KCNQ2: variants seen among roughly 807,000 people sequenced by gnomAD.
The protein encoded by KCNQ2 is potassium voltage-gated channel subfamily Q member 2.
Under a neutral mutation model 84.8 loss-of-function variants are expected in KCNQ2, and 14 were observed. The ratio of observed to expected loss-of-function variants is 0.17; its 90% CI spans 0.11 to 0.26. The LOEUF is 0.26. KCNQ2 is among the 10% of genes least tolerant of loss of function. The pLI, the probability that KCNQ2 is intolerant of heterozygous loss-of-function variation, is 1.00. For synonymous variants in KCNQ2, 599 were observed against 554.1 expected (o/e 1.08, Z -1.14); for missense variants, 788 against 1,254.0 (o/e 0.63, Z 5.61).
In KCNQ2 at chr20:63,438,605, CG is replaced by C. The variant is rs753353430; in HGVS notation, c.1023+19del. 1 of 1,607,750 alleles carries C rather than the reference CG, an allele frequency of 6.2e-7. No homozygotes were observed. The highest frequency in any genetic ancestry group is 8.5e-7 in the Non-Finnish European group (1 of 1,174,916). On this transcript the variant is annotated intron_variant, in intron 7 of 16. Transcript: ENST00000359125. This position sits in a 1 kb window ranked among gnomAD's most constrained non-coding sequence, Gnocchi z 5.1. ...CCAGGACAAGGGCTGTGCTGGTCCC[CG>C]GGGGACACCTGGACTCACCTGGATC...
chr20:63,430,351 T>A (rs527869116), intron 9 of KCNQ2, among the ~76,000 whole-genome samples: 1 of 152,214 alleles, frequency 6.6e-6, no homozygotes, highest in South Asian at 2.1e-4. Flanking sequence ...TGGCTGAGCA[T>A]GTCGGGGGCA....
chr20:63,438,975 G>A lies in KCNQ2; in HGVS notation c.928-255C>T, dbSNP rs991164549. Among the ~76,000 whole-genome samples, 1 of 152,120 alleles carries A rather than the reference G, an allele frequency of 6.6e-6. No homozygotes were observed. Among genetic ancestry groups the A allele is most frequent in the Non-Finnish European group, 1.5e-5 (1 of 68,028 alleles). ...CCTTCATCAAGGTCAGACTAATCCAGGAACCCATATCCCCACAATTTGTCA... is the reference window on the plus strand; with the variant it reads ...CCTTCATCAAGGTCAGACTAATCCAAGAACCCATATCCCCACAATTTGTCA... On this transcript the variant is annotated intron_variant, in intron 6 of 16. Transcript: ENST00000359125. This position sits in a 1 kb window ranked among gnomAD's most constrained non-coding sequence, Gnocchi z 5.1.
At chr20:63,415,193 G>A (rs2080252050) in intron 12 of KCNQ2, 67 bp from the exon 13 acceptor site, 2 of 1,411,798 alleles carry the variant, frequency 1.4e-6, no homozygotes, top group South Asian at 2.4e-5. Flanking sequence ...AAAGAACACA[G>A]GCCGTGTCTG....
At chr20:63,439,346 A>C (rs2081091481) in intron 6 of KCNQ2, among the ~76,000 whole-genome samples, 1 of 152,210 alleles carries the variant, frequency 6.6e-6, no homozygotes, top group Admixed American at 6.5e-5. Context: ...AGTGACTAAC[A>C]GAGCCCCCTG....
chr20:63,431,973 C>CCACCCTCAGGGAAGGAT (rs2080805937), intron 8 of KCNQ2, among the ~76,000 whole-genome samples: 1 of 72,292 alleles, frequency 1.4e-5, no homozygotes, highest in East Asian at 6.9e-4. Flanking sequence ...CAGGGAAGGC[C>CCACCCTCAGGGAAGGAT]CCACCCGCAG....
intron 1 of KCNQ2, among the ~76,000 whole-genome samples, chr20:63,454,493 T>C (rs1280049132): frequency 3.3e-5 from 5 of 152,126 alleles, no homozygotes; most frequent in Admixed American, 2.0e-4. Context: ...TCCCGGTGCC[T>C]CGGCCGTGGC....
In KCNQ2 at chr20:63,444,481, G is replaced by A. The variant is rs535744334; in HGVS notation, c.690+178C>T. Among the ~76,000 whole-genome samples the A allele has an allele frequency of 6.4e-4, 98 of 152,304 alleles. 2 individuals carry two copies. Among genetic ancestry groups the A allele is most frequent in the African/African-American group, 2.2e-3 (90 of 41,562 alleles). On this transcript the variant is annotated intron_variant, in intron 4 of 16. Coordinates refer to ENST00000359125, the MANE Select transcript of KCNQ2 (RefSeq NM_172107.4). ...GGCCCAAGTCACGAGAAGAAGCACC[G>A]AGAAGAAAGGGGAGGGAGGCTCGTT...
chr20:63,445,820 G>A (rs1246705547), intron 2 of KCNQ2, among the ~76,000 whole-genome samples: 3 of 144,224 alleles, frequency 2.1e-5, no homozygotes, highest in Admixed American at 6.9e-5. Flanking sequence ...TGAGCTGGGG[G>A]ACCCTGTCTG....
intron 1 of KCNQ2, among the ~76,000 whole-genome samples, chr20:63,457,923 C>G (rs549694819): frequency 6.6e-6 from 1 of 152,216 alleles, no homozygotes; most frequent in South Asian, 2.1e-4. Flanking sequence ...GACTTCGCAG[C>G]GCCTGCTCAC....
At position 63,408,524 on chromosome 20, in the gene KCNQ2, G is replaced by A. The variant is rs201868078; in HGVS notation, c.1776C>T (p.Ile592=). Residue 592 remains isoleucine (I), a synonymous_variant, in exon 16 of 17, where the codon ATC becomes ATT. Transcript: ENST00000359125. The surrounding 1 kb of genome is among the most constrained non-coding windows in gnomAD (Gnocchi z 5.0). ...IKSLQSRVDQ[I]VGRGPAITDK... ...CCGTGATCGCTGGGCCCCGCCCCAC[G>A]ATCTGGTCCACTCTACCGGGAACAG... The A allele has an allele frequency of 8.1e-6, 13 of 1,610,666 alleles. No homozygotes were observed. Among genetic ancestry groups the A allele is most frequent in the South Asian group, 3.3e-5 (3 of 90,700 alleles).
intron 15 of KCNQ2, among the ~76,000 whole-genome samples, chr20:63,410,774 TCCCCACCAGCTCAGG>T (rs2080098348): frequency 6.6e-6 from 1 of 151,984 alleles, no homozygotes; most frequent in South Asian, 2.1e-4. Context: ...CCAGACGCCG[TCCCCACCAGCTCAGG>T]CCTGGGCTTC....
chr20:63,440,961 T>TTTTGTTTG (rs891369222), intron 5 of KCNQ2, among the ~76,000 whole-genome samples: 2 of 149,822 alleles, frequency 1.3e-5, no homozygotes, highest in Non-Finnish European at 3.0e-5. Flanking sequence ...AGGCGTGGTT[T>TTTTGTTTG]TTTGTTTGTT....
rs553395084 is a variant in KCNQ2 at position 63,432,579 on chromosome 20, G to A, written c.1119-1210C>T. ...CCTCAGGGAAGGCTCCACCCTCAGG[G>A]AAGGATCCACCCACAGGGAAGGCTC... is the stretch of plus-strand genomic sequence containing the variant. On this transcript the variant is annotated intron_variant, in intron 8 of 16. Transcript: ENST00000359125. 1.8e-3 allele frequency among the ~76,000 whole-genome samples: 252 copies of A among 137,632 alleles called. 1 individual carries two copies. The highest frequency in any genetic ancestry group is 3.3e-3 in the Non-Finnish European group (215 of 64,566). The allele number at this position is 137,632 out of a possible 152,430, so 90.3% of individuals were successfully genotyped here. A position where few individuals can be genotyped will look rare whatever the true frequency, so the allele number is the denominator to read the frequency against.
intron 11 of KCNQ2, chr20:63,423,478 T>C (rs926984524): frequency 1.3e-5 from 2 of 152,094 alleles, no homozygotes; most frequent in African/African-American, 4.8e-5. Context: ...TGTGAAAGGA[T>C]CTTGATTTTC....
intron 1 of KCNQ2, chr20:63,461,104 C>A (rs1042917536): frequency 6.6e-6 from 1 of 152,244 alleles, no homozygotes; most frequent in African/African-American, 2.4e-5. Flanking sequence ...TTCCCAGTCT[C>A]CTGCGGTGGA....
At chr20:63,454,671 G>C (rs1038720418) in intron 1 of KCNQ2, among the ~76,000 whole-genome samples, 1 of 152,268 alleles carries the variant, frequency 6.6e-6, no homozygotes, top group African/African-American at 2.4e-5. Context: ...GCCCATCTTA[G>C]AGAAGGGGAA....
chr20:63,449,852 G>A (rs1368287463), intron 1 of KCNQ2, among the ~76,000 whole-genome samples: 1 of 151,958 alleles, frequency 6.6e-6, no homozygotes, highest in Admixed American at 6.6e-5. Flanking sequence ...ATCACCCCAG[G>A]CTCAGGCTCT....
chr20:63,409,027 G>C (rs957176484), intron 15 of KCNQ2, among the ~76,000 whole-genome samples: 1 of 152,236 alleles, frequency 6.6e-6, no homozygotes, highest in Non-Finnish European at 1.5e-5. Flanking sequence ...TGAAGCCGTC[G>C]GCCCCACCGG....
In KCNQ2 at chr20:63,401,212, C is replaced by T. The variant is rs1047179123; in HGVS notation, c.*5432G>A. 4.5e-6 allele frequency: 1 copy of T among 223,594 alleles called. No individual in the cohort carries two copies. Among genetic ancestry groups the T allele is most frequent in the Non-Finnish European group, 8.7e-6 (1 of 115,026 alleles). 13.9% of individuals were successfully genotyped at this position (223,594 alleles called of 1,614,324 possible). ...TAAAACTCTGAAGAGGCCCCTCCAT[C>T]CCAAATGGTCCCCTCCCGTCTCTCC... is the stretch of plus-strand genomic sequence containing the variant. On this transcript the variant is annotated 3_prime_UTR_variant, in exon 17 of 17. Transcript: ENST00000359125.
Sources: allele counts gnomAD v4.1 joint callset (sites outside exome capture counted in the v4.1 genomes callset), GRCh38; gene constraint gnomAD v4.1.1; non-coding constraint Gnocchi (gnomAD v3.1); transcripts MANE v1.5; gene names NCBI Gene and HGNC (gene_info 2026-07-23, HGNC 2026-07-21).